Variants in SSH2 observed in about 807,000 individuals in gnomAD.
SSH2 encodes the protein slingshot protein phosphatase 2.
A neutral mutation model predicts 135.2 loss-of-function variants in SSH2; 37 were observed. The ratio of observed to expected loss-of-function variants is 0.27; its 90% CI spans 0.21 to 0.36. SSH2 has a LOEUF of 0.36. Ranked by LOEUF, SSH2 falls within the 10% of genes least tolerant of loss-of-function variation. The probability of loss-of-function intolerance (pLI) is 1.00; values close to 1 mark genes in which losing one functional copy is unlikely to be tolerated. For synonymous variants in SSH2, 628 were observed against 646.2 expected (o/e 0.97, Z 0.43); for missense variants, 1,408 against 1,765.3 (o/e 0.80, Z 3.63).
intron 1 of SSH2, among the ~76,000 whole-genome samples, chr17:29,926,529 G>C (rs1216334959): frequency 6.7e-6 from 1 of 149,020 alleles, no homozygotes; most frequent in Non-Finnish European, 1.5e-5. Flanking sequence ...ACTCCAGCCT[G>C]AATGGCTGAG....
At chr17:29,752,839 A>AC (rs2040989700) in intron 3 of SSH2, among the ~76,000 whole-genome samples, 1 of 99,450 alleles carries the variant, frequency 1.0e-5, no homozygotes, top group African/African-American at 6.3e-5. Flanking sequence ...CTCAAATCAC[A>AC]GAAAAAAAAA....
intron 14 of SSH2, chr17:29,640,810 CTTTT>C (rs918473257): frequency 6.6e-6 from 1 of 151,388 alleles, no homozygotes; most frequent in African/African-American, 2.4e-5. Context: ...TTATCATTCC[CTTTT>C]TTTTTCTTTA....
intron 13 of SSH2, among the ~76,000 whole-genome samples, chr17:29,650,140 C>T (rs2036531098): frequency 1.3e-5 from 2 of 152,194 alleles, no homozygotes; most frequent in Admixed American, 6.5e-5. Context: ...ATACAAAATA[C>T]TCTCACTAGA....
chr17:29,680,917 C>T (rs890333509), intron 6 of SSH2, among the ~76,000 whole-genome samples: 2 of 152,002 alleles, frequency 1.3e-5, no homozygotes, highest in Admixed American at 1.3e-4. Flanking sequence ...TAAAAAGATA[C>T]AGAAGCTGCA....
At chr17:29,679,407 AT>A (rs550795229) in intron 6 of SSH2, among the ~76,000 whole-genome samples, 27 of 147,308 alleles carry the variant, frequency 1.8e-4, no homozygotes, top group South Asian at 2.2e-4. Context: ...ATTTATTTTT[AT>A]TTTTTTTTTT....
chr17:29,864,761 T>A (rs1282576864), intron 1 of SSH2, among the ~76,000 whole-genome samples: 1 of 152,138 alleles, frequency 6.6e-6, no homozygotes, highest in Non-Finnish European at 1.5e-5. Flanking sequence ...TAAAAGGGCA[T>A]GTTTCTGAAA....
At chr17:29,808,066 CAG>C (rs1322162719) in intron 2 of SSH2, among the ~76,000 whole-genome samples, 1 of 152,276 alleles carries the variant, frequency 6.6e-6, no homozygotes, top group East Asian at 1.9e-4. Flanking sequence ...CAAACTTGGA[CAG>C]AGTCTTTAGC....
chr17:29,821,306 C>T (rs1239615109), intron 2 of SSH2, among the ~76,000 whole-genome samples: 1 of 152,090 alleles, frequency 6.6e-6, no homozygotes, highest in Non-Finnish European at 1.5e-5. Context: ...GTTGCCCAGG[C>T]TGGAGTGCAG....
chr17:29,814,432 C>CAAAAA (rs1179862061), intron 2 of SSH2, among the ~76,000 whole-genome samples: 189 of 37,478 alleles, frequency 5.0e-3, no homozygotes, highest in East Asian at 6.5e-3. Flanking sequence ...GACTCTGTCT[C>CAAAAA]AAAAAAAAAA....
At chr17:29,663,809 C>A (rs2037154043) in intron 11 of SSH2, among the ~76,000 whole-genome samples, 1 of 151,964 alleles carries the variant, frequency 6.6e-6, no homozygotes, top group Admixed American at 6.6e-5. Flanking sequence ...AAGAGTGAAC[C>A]CTATTGTAAA....
intron 1 of SSH2, among the ~76,000 whole-genome samples, chr17:29,849,510 G>T (rs1348016878): frequency 6.6e-6 from 1 of 150,406 alleles, no homozygotes; most frequent in Non-Finnish European, 1.5e-5. Flanking sequence ...AGATGGTGCT[G>T]CTAATCCTTT....
intron 4 of SSH2, among the ~76,000 whole-genome samples, chr17:29,696,497 G>C (rs940505779): frequency 6.9e-6 from 1 of 145,926 alleles, no homozygotes; most frequent in Admixed American, 6.8e-5. Flanking sequence ...GCGACAGAGC[G>C]AGACTCCATC....
intron 3 of SSH2, among the ~76,000 whole-genome samples, chr17:29,781,091 G>A (rs138688805): frequency 3.0e-4 from 45 of 152,164 alleles, no homozygotes; most frequent in African/African-American, 8.2e-4. Flanking sequence ...GATTACAGGC[G>A]TGAGCCACGG....
intron 3 of SSH2, among the ~76,000 whole-genome samples, chr17:29,761,843 A>ATGTGTG (rs752691137): frequency 0.014 from 2,018 of 142,462 alleles, 54 homozygotes; most frequent in African/African-American, 0.051. Flanking sequence ...TCACATACAT[A>ATGTGTG]TGTGTGTGTG....
At chr17:29,638,673 G>T (rs2036021925) in intron 14 of SSH2, among the ~76,000 whole-genome samples, 1 of 151,736 alleles carries the variant, frequency 6.6e-6, no homozygotes, top group Non-Finnish European at 1.5e-5. Flanking sequence ...CCTCCTTTTA[G>T]TAGTAGCTGG....
At chr17:29,772,992 A>G (rs1598974401) in intron 3 of SSH2, among the ~76,000 whole-genome samples, 1 of 151,986 alleles carries the variant, frequency 6.6e-6, no homozygotes, top group East Asian at 1.9e-4. Flanking sequence ...CTCGGCTTCC[A>G]TAATTGCATG....
intron 3 of SSH2, among the ~76,000 whole-genome samples, chr17:29,764,888 A>G (rs930404871): frequency 1.3e-5 from 2 of 152,214 alleles, no homozygotes; most frequent in South Asian, 4.1e-4. Context: ...GGAGACTTAC[A>G]TGCTGACCTA....
At chr17:29,647,105 A>G (rs1388387660) in intron 14 of SSH2, among the ~76,000 whole-genome samples, 3 of 151,820 alleles carry the variant, frequency 2.0e-5, no homozygotes, top group African/African-American at 7.3e-5. Context: ...TACTAAAAAT[A>G]CAAAAAATTA....
At chr17:29,652,058 C>T (rs925160759) in intron 12 of SSH2, among the ~76,000 whole-genome samples, 3 of 152,148 alleles carry the variant, frequency 2.0e-5, no homozygotes, top group African/African-American at 7.2e-5. Flanking sequence ...AGAAGAATTG[C>T]TTGAACCCGG....
Sources: gnomAD v4.1 joint callset for allele counts (sites outside exome capture counted in the v4.1 genomes callset) on GRCh38, gnomAD v4.1.1 for gene constraint, MANE v1.5 for transcripts, NCBI Gene and HGNC (gene_info 2026-07-23, HGNC 2026-07-21) for gene names.